LIMD1: variants seen among roughly 807,000 people sequenced by gnomAD.
LIMD1 encodes LIM domain containing 1.
Under a neutral mutation model 58.4 loss-of-function variants are expected in LIMD1, and 23 were observed. The ratio of observed to expected loss-of-function variants is 0.39; its 90% CI spans 0.28 to 0.56. LIMD1 has a LOEUF of 0.56. Among genes scored for constraint, LIMD1 ranks in the 20% least tolerant of loss-of-function variants. The probability of loss-of-function intolerance (pLI) is 0.57; values close to 1 mark genes in which losing one functional copy is unlikely to be tolerated. For missense variants in LIMD1, 838 were observed against 855.5 expected, an observed-to-expected ratio of 0.98 and a Z score of 0.25; for synonymous variants, 334 against 345.5, an observed-to-expected ratio of 0.97 and a Z score of 0.37.
intron 2 of LIMD1, among the ~76,000 whole-genome samples, chr3:45,643,179 C>T (rs1027382313): frequency 3.5e-4 from 53 of 152,082 alleles, no homozygotes; most frequent in African/African-American, 1.1e-3. Context: ...GTGGACTTCT[C>T]GGCACCTTCA....
At chr3:45,603,655 C>T (rs749548853) in intron 1 of LIMD1, among the ~76,000 whole-genome samples, 25 of 152,192 alleles carry the variant, frequency 1.6e-4, no homozygotes, top group Non-Finnish European at 2.5e-4. Context: ...CTTTAGACAT[C>T]GGGCAGTCTC....
At chr3:45,627,927 G>T (rs1259039406) in intron 1 of LIMD1, among the ~76,000 whole-genome samples, 2 of 151,514 alleles carry the variant, frequency 1.3e-5, no homozygotes, top group African/African-American at 4.9e-5. Context: ...AGAATCGCTT[G>T]AACCTGGGAG....
intron 2 of LIMD1, among the ~76,000 whole-genome samples, chr3:45,657,250 A>G (rs779057393): frequency 4.6e-5 from 7 of 152,164 alleles, no homozygotes; most frequent in East Asian, 3.9e-4. Flanking sequence ...AAGGTTACCT[A>G]TCAAGTTACA....
At position 45,668,782 on chromosome 3, in the gene LIMD1, C is replaced by T. The variant is rs899713593; in HGVS notation, c.1641+426C>T. Among the ~76,000 whole-genome samples the T allele has an allele frequency of 2.6e-5, 4 of 151,016 alleles. No homozygotes were observed. In the East Asian group the frequency reaches 5.8e-4, roughly 22 times the overall value. On this transcript the variant is annotated intron_variant, in intron 4 of 7. Transcript: ENST00000273317. ...AAAAAAAAAAAGTCCCTGTAAAGTACAGCTTGCTTGTTCTAATAGAACCCA... is the reference window on the plus strand; with the variant it reads ...AAAAAAAAAAAGTCCCTGTAAAGTATAGCTTGCTTGTTCTAATAGAACCCA...
chr3:45,639,813 C>T (rs1426430998), intron 2 of LIMD1, among the ~76,000 whole-genome samples: 1 of 152,192 alleles, frequency 6.6e-6, no homozygotes, highest in Non-Finnish European at 1.5e-5. Context: ...CAGCCATGCG[C>T]CACCAAACCT....
At chr3:45,641,667 TG>T (rs1575356073) in intron 2 of LIMD1, among the ~76,000 whole-genome samples, 2 of 152,282 alleles carry the variant, frequency 1.3e-5, no homozygotes. Flanking sequence ...GTCCAGGGCC[TG>T]ACTAGTTTGG....
chr3:45,676,825 C>A, intron 7 of LIMD1, 97 bp from the exon 8 acceptor site: 2 of 1,212,752 alleles, frequency 1.6e-6, no homozygotes, highest in Middle Eastern at 1.9e-4. Flanking sequence ...TACAGAAACA[C>A]ACAGCACCCT....
rs56694355 is a variant in LIMD1 at position 45,678,333 on chromosome 3, GCCCAACTCCAGCT to G, written c.*1275_*1287del. On this transcript the variant is annotated 3_prime_UTR_variant, in exon 8 of 8. Transcript: ENST00000273317. ...GTTGGAAATCACTGGCTTCACACAG[GCCCAACTCCAGCT>G]GGTCAGGGCAGAGTGATCGTAACTA... 37,889 of 152,456 alleles carry G rather than the reference GCCCAACTCCAGCT, an allele frequency of 0.25. 5,637 individuals carry two copies. The highest frequency in any genetic ancestry group is 0.54 in the East Asian group (2,788 of 5,152). 9.4% of individuals were successfully genotyped at this position (152,456 alleles called of 1,614,324 possible).
At chr3:45,636,100 G>A in intron 1 of LIMD1, 50 bp from the exon 2 acceptor site, 1 of 1,609,164 alleles carries the variant, frequency 6.2e-7, no homozygotes, top group Non-Finnish European at 8.5e-7. Flanking sequence ...TTATGACTCA[G>A]TTTACACTGG....
intron 7 of LIMD1, among the ~76,000 whole-genome samples, chr3:45,676,388 A>G (rs926056402): frequency 3.3e-5 from 5 of 150,614 alleles, no homozygotes; most frequent in Non-Finnish European, 5.9e-5. Context: ...TTACATAGAT[A>G]TATGTTGTAC....
At chr3:45,637,100 C>A (rs535636138) in intron 2 of LIMD1, among the ~76,000 whole-genome samples, 2 of 152,156 alleles carry the variant, frequency 1.3e-5, no homozygotes, top group Non-Finnish European at 2.9e-5. Context: ...CATCTGGCCC[C>A]GTGGTTTGCA....
At position 45,686,020 on chromosome 3, in the gene LIMD1, T is replaced by A. The variant is rs886637644; in HGVS notation, c.*8961T>A. The A allele has an allele frequency of 6.6e-6, 1 of 152,130 alleles. No homozygotes were observed. Among genetic ancestry groups the A allele is most frequent in the African/African-American group, 2.4e-5 (1 of 41,420 alleles). The allele number at this position is 152,130 out of a possible 1,614,324, so 9.4% of individuals were successfully genotyped here. A position where few individuals can be genotyped will look rare whatever the true frequency, so the allele number is the denominator to read the frequency against. ...ACTCCCAGCACATCCAAGAATGCAA[T>A]TAACTGATAAGATACTGTGGCAAGC... is the stretch of plus-strand genomic sequence containing the variant. On this transcript the variant is annotated 3_prime_UTR_variant, in exon 8 of 8. Transcript: ENST00000273317.
At chr3:45,659,051 C>CATATCTAGAAAAATATAATATAGAAAATA (rs1697390180) in intron 2 of LIMD1, among the ~76,000 whole-genome samples, 1 of 151,926 alleles carries the variant, frequency 6.6e-6, no homozygotes, top group Non-Finnish European at 1.5e-5. Flanking sequence ...ATACATATTT[C>CATATCTAGAAAAATATAATATAGAAAATA]TAGAAAAATT....
At chr3:45,656,330 C>G (rs1165388635) in intron 2 of LIMD1, among the ~76,000 whole-genome samples, 1 of 151,998 alleles carries the variant, frequency 6.6e-6, no homozygotes, top group African/African-American at 2.4e-5. Context: ...ACAAGAGAGA[C>G]AGTATAGTGT....
chr3:45,673,426 T>A, intron 5 of LIMD1, 28 bp from the exon 6 acceptor site: 1 of 1,604,462 alleles, frequency 6.2e-7, no homozygotes, highest in Middle Eastern at 1.7e-4. Flanking sequence ...AGAAGCAACA[T>A]TTATTGCTGC....
intron 7 of LIMD1, among the ~76,000 whole-genome samples, chr3:45,676,372 G>T (rs918204286): frequency 2.6e-5 from 4 of 151,102 alleles, no homozygotes; most frequent in South Asian, 4.2e-4. Flanking sequence ...TACGTGTGAA[G>T]ATTTATTACA....
intron 2 of LIMD1, 120 bp downstream of exon 2, chr3:45,636,371 C>A: frequency 1.4e-6 from 1 of 716,094 alleles, no homozygotes; most frequent in African/African-American, 1.8e-5. Flanking sequence ...CTCAGCCCCA[C>A]AGAAAAGCCA....
chr3:45,595,084 ACT>A lies in LIMD1; in HGVS notation c.208_209del (p.Leu70AlafsTer5), dbSNP rs1373475683. 1.2e-6 allele frequency: 2 copies of A among 1,613,086 alleles called. No individual in the cohort carries two copies. The highest frequency in any genetic ancestry group is 1.1e-5 in the South Asian group (1 of 90,994). ...GCAGCAGCAGCTCCTGCAGGAGGAG[ACT>A]CTGCCCAGGGGGAGTAGAGGCCCTG... ...QQQQQLLQEE[T>X]LPRGSRGPVN... On this transcript the variant is annotated frameshift_variant, in exon 1 of 8. Transcript: ENST00000273317. LOFTEE classifies it high-confidence loss of function.
At chr3:45,639,811 C>T (rs369459129) in intron 2 of LIMD1, among the ~76,000 whole-genome samples, 179 of 152,238 alleles carry the variant, frequency 1.2e-3, no homozygotes, top group Admixed American at 1.8e-3. Context: ...TACAGCCATG[C>T]GCCACCAAAC....
Sources: allele counts gnomAD v4.1 joint callset (sites outside exome capture counted in the v4.1 genomes callset), GRCh38; gene constraint gnomAD v4.1.1; transcripts MANE v1.5; gene names NCBI Gene and HGNC (gene_info 2026-07-23, HGNC 2026-07-21).